TMEM132C: variants seen among roughly 807,000 people sequenced by gnomAD.
TMEM132C encodes transmembrane protein 132C.
In TMEM132C, 29 loss-of-function variants were observed where a neutral mutation model predicts 61.4. The ratio of observed to expected loss-of-function variants is 0.47; its 90% CI spans 0.35 to 0.64. The LOEUF is 0.64. TMEM132C is among the 30% of genes least tolerant of loss of function. TMEM132C has a pLI of 0.00. For synonymous variants in TMEM132C, 656 were observed against 633.1 expected, an observed-to-expected ratio of 1.04 and a Z score of -0.54; for missense variants, 1,408 against 1,476.9, an observed-to-expected ratio of 0.95 and a Z score of 0.76.
intron 4 of TMEM132C, among the ~76,000 whole-genome samples, chr12:128,622,287 T>C (rs2135587912): frequency 7.3e-6 from 1 of 136,282 alleles, no homozygotes; most frequent in African/African-American, 2.7e-5. Context: ...GAGGTTGCAC[T>C]GAGCCAAGAT....
At chr12:128,701,029 C>T (rs565452383) in intron 8 of TMEM132C, among the ~76,000 whole-genome samples, 32 of 152,218 alleles carry the variant, frequency 2.1e-4, no homozygotes, top group Admixed American at 7.8e-4. Flanking sequence ...CAAGGGCAGC[C>T]GGAGCTCCTG....
intron 1 of TMEM132C, among the ~76,000 whole-genome samples, chr12:128,290,066 C>A (rs866531161): frequency 2.6e-5 from 4 of 152,148 alleles, no homozygotes; most frequent in Non-Finnish European, 5.9e-5. Context: ...GGAGGAATTA[C>A]TTTCTGAAAT....
At chr12:128,636,473 A>G (rs1217951542) in intron 4 of TMEM132C, among the ~76,000 whole-genome samples, 1 of 152,164 alleles carries the variant, frequency 6.6e-6, no homozygotes, top group Non-Finnish European at 1.5e-5. Context: ...AATGGTCATT[A>G]CAATCAAGGT....
At chr12:128,546,774 A>G (rs1309573369) in intron 3 of TMEM132C, among the ~76,000 whole-genome samples, 2 of 152,110 alleles carry the variant, frequency 1.3e-5, no homozygotes, top group Non-Finnish European at 2.9e-5. Flanking sequence ...GTCATGTTGG[A>G]CCCACCTGGG....
intron 2 of TMEM132C, among the ~76,000 whole-genome samples, chr12:128,458,272 T>TTATAA (rs199875740): frequency 0.34 from 45,509 of 135,284 alleles, 10,669 homozygotes; most frequent in African/African-American, 0.67. Flanking sequence ...AATTATATAA[T>TTATAA]TATAATATTT....
intron 1 of TMEM132C, among the ~76,000 whole-genome samples, chr12:128,345,519 C>T (rs1873131648): frequency 1.3e-5 from 2 of 152,186 alleles, no homozygotes; most frequent in South Asian, 4.1e-4. Flanking sequence ...AGATAATTTA[C>T]ACTCTCACCA....
intron 3 of TMEM132C, among the ~76,000 whole-genome samples, chr12:128,554,275 G>A (rs1022304593): frequency 1.3e-5 from 2 of 152,186 alleles, no homozygotes; most frequent in Non-Finnish European, 1.5e-5. Context: ...GGTGGGTAAG[G>A]AAGCGGGTGG....
chr12:128,274,328 A>ATT (rs3043859), intron 1 of TMEM132C, among the ~76,000 whole-genome samples: 17 of 151,820 alleles, frequency 1.1e-4, no homozygotes, highest in South Asian at 2.1e-4. Flanking sequence ...TATGTATAAC[A>ATT]TTTTTTTCTT....
At chr12:128,409,991 A>G (rs1405462511) in intron 1 of TMEM132C, among the ~76,000 whole-genome samples, 1 of 152,234 alleles carries the variant, frequency 6.6e-6, no homozygotes, top group Non-Finnish European at 1.5e-5. Flanking sequence ...GAATTTAGGA[A>G]TAATAATATG....
At position 128,705,392 on chromosome 12, in the gene TMEM132C, C is replaced by T. The variant is rs555991346; in HGVS notation, c.2424C>T (p.Pro808=). Residue 808 remains proline (P), a synonymous_variant, in exon 9 of 9, where the codon CCC becomes CCT. Coordinates refer to ENST00000435159, the MANE Select transcript of TMEM132C (RefSeq NM_001136103.3). ...GACAGAACGATGCTGACTCCAGCCCCGGCGGGGACTATGAGGAAGATGAGA... is the reference window on the plus strand; with the variant it reads ...GACAGAACGATGCTGACTCCAGCCCTGGCGGGGACTATGAGGAAGATGAGA... ...KFGQNDADSS[P]GGDYEEDEIK... 135 of 1,551,216 alleles carry T rather than the reference C, an allele frequency of 8.7e-5. No individual in the cohort carries two copies. The highest frequency in any genetic ancestry group is 6.8e-4 in the South Asian group (57 of 84,056).
intron 3 of TMEM132C, among the ~76,000 whole-genome samples, chr12:128,579,259 A>G (rs1201159278): frequency 6.6e-6 from 1 of 152,140 alleles, no homozygotes; most frequent in Non-Finnish European, 1.5e-5. Flanking sequence ...TACATATCTC[A>G]CTGCCTCGTA....
At chr12:128,465,826 C>T (rs907297434) in intron 2 of TMEM132C, among the ~76,000 whole-genome samples, 4 of 152,152 alleles carry the variant, frequency 2.6e-5, no homozygotes, top group African/African-American at 9.7e-5. Context: ...TTCTGCGGCA[C>T]CGGGTGCTCA....
At chr12:128,621,811 G>A (rs969074330) in intron 4 of TMEM132C, among the ~76,000 whole-genome samples, 9 of 152,144 alleles carry the variant, frequency 5.9e-5, no homozygotes, top group African/African-American at 2.2e-4. Flanking sequence ...CTGCCCCTAG[G>A]CCTTGGGGTA....
chr12:128,443,821 A>T (rs1179331237), intron 2 of TMEM132C, among the ~76,000 whole-genome samples: 3 of 152,078 alleles, frequency 2.0e-5, no homozygotes, highest in Admixed American at 1.3e-4. Context: ...AGCTGCCCGG[A>T]ATGCTCCGTC....
intron 2 of TMEM132C, among the ~76,000 whole-genome samples, chr12:128,542,440 G>A (rs189932544): frequency 1.3e-5 from 2 of 152,166 alleles, no homozygotes; most frequent in Non-Finnish European, 2.9e-5. Context: ...CGAGTAGCTG[G>A]GACTAAAGGC....
chr12:128,318,748 G>A (rs962498143), intron 1 of TMEM132C, among the ~76,000 whole-genome samples: 18 of 152,184 alleles, frequency 1.2e-4, no homozygotes, highest in East Asian at 1.9e-4. Flanking sequence ...GATTGGATAC[G>A]TTAAAGTGAT....
intron 1 of TMEM132C, among the ~76,000 whole-genome samples, chr12:128,403,354 A>G (rs1413917356): frequency 6.6e-6 from 1 of 152,178 alleles, no homozygotes; most frequent in Non-Finnish European, 1.5e-5. Flanking sequence ...GGTGTCTGAT[A>G]TCATATGAGT....
At chr12:128,307,497 C>T (rs953612534) in intron 1 of TMEM132C, among the ~76,000 whole-genome samples, 4 of 151,716 alleles carry the variant, frequency 2.6e-5, no homozygotes, top group African/African-American at 7.3e-5. Flanking sequence ...TATTACATTT[C>T]ACAATTGTTT....
At chr12:128,428,459 C>T (rs1869271790) in intron 2 of TMEM132C, among the ~76,000 whole-genome samples, 1 of 152,136 alleles carries the variant, frequency 6.6e-6, no homozygotes, top group Non-Finnish European at 1.5e-5. Flanking sequence ...CAATAAATGT[C>T]CTCAGATTGA....
Sources: gnomAD v4.1 joint callset for allele counts (sites outside exome capture counted in the v4.1 genomes callset) on GRCh38, gnomAD v4.1.1 for gene constraint, MANE v1.5 for transcripts, NCBI Gene and HGNC (gene_info 2026-07-23, HGNC 2026-07-21) for gene names.